FLRT1: variants seen among roughly 807,000 people sequenced by gnomAD.
FLRT1 encodes leucine-rich repeat transmembrane protein FLRT1.
In FLRT1, 14 loss-of-function variants were observed where a neutral mutation model predicts 30.9. That is an observed-to-expected ratio of 0.45 (90% CI 0.30 to 0.71). The LOEUF (loss-of-function observed/expected upper bound fraction) is 0.71. Among genes scored for constraint, FLRT1 ranks in the 30% least tolerant of loss-of-function variants. The pLI is 0.08. For missense variants in FLRT1, 737 were observed against 949.2 expected (o/e 0.78, Z 2.94); for synonymous variants, 368 against 430.4 (o/e 0.85, Z 1.80).
intron 1 of FLRT1, among the ~76,000 whole-genome samples, chr11:64,055,801 T>C (rs1943775005): frequency 1.3e-5 from 2 of 152,240 alleles, no homozygotes; most frequent in South Asian, 4.1e-4. Context: ...GGATGCTGGT[T>C]TGTGGGATTC....
At chr11:64,114,706 C>T (rs1565239641) in intron 2 of FLRT1, among the ~76,000 whole-genome samples, 1 of 137,636 alleles carries the variant, frequency 7.3e-6, no homozygotes, top group African/African-American at 2.7e-5. Context: ...TGGACTGATA[C>T]ATAGATGGAT....
intron 1 of FLRT1, chr11:64,060,551 C>T (rs946319804): frequency 3.9e-5 from 6 of 152,202 alleles, no homozygotes; most frequent in African/African-American, 1.4e-4. Context: ...CCAGAGCAGG[C>T]CCCAGCCTGG....
intron 1 of FLRT1, among the ~76,000 whole-genome samples, chr11:64,059,775 T>A (rs531220643): frequency 1.7e-4 from 26 of 152,296 alleles, no homozygotes; most frequent in African/African-American, 4.8e-4. Flanking sequence ...CTATTCCCTC[T>A]CCTGAGTTTC....
chr11:64,066,690 G>A (rs997355765), intron 1 of FLRT1, among the ~76,000 whole-genome samples: 1 of 151,562 alleles, frequency 6.6e-6, no homozygotes, highest in Non-Finnish European at 1.5e-5. Context: ...CTTCTGAGAT[G>A]TCTGCCTGCA....
intron 1 of FLRT1, among the ~76,000 whole-genome samples, chr11:64,097,025 C>A (rs1444379628): frequency 3.3e-5 from 5 of 152,206 alleles, no homozygotes; most frequent in Non-Finnish European, 7.3e-5. Flanking sequence ...GCACTCCAGG[C>A]GGATGAGAAC....
chr11:64,117,128 C>T lies in FLRT1; in HGVS notation c.861C>T (p.Tyr287=), dbSNP rs747734134. ...ACAATGCCATCAGCCACATCCCCTA[C>T]AACACGCTGGCCAAGATGCGTGAGC... The part of the protein sequence containing the change: ...LQDNAISHIP[Y]NTLAKMRELE... The change falls in exon 3 of 3, where the codon TAC becomes TAT. Residue 287 remains tyrosine, a synonymous_variant. Coordinates refer to ENST00000682287, the MANE Select transcript of FLRT1 (RefSeq NM_013280.5). The T allele has an allele frequency of 6.2e-7, 1 of 1,612,236 alleles. No homozygotes were observed. Among genetic ancestry groups the T allele is most frequent in the Non-Finnish European group, 8.5e-7 (1 of 1,179,184 alleles).
rs929954269 is a variant in FLRT1, at chr11:64,090,211, C to T, written c.-1037-12983C>T. 3.9e-5 allele frequency among the ~76,000 whole-genome samples: 6 copies of T among 152,166 alleles called. No individual in the cohort carries two copies. Among genetic ancestry groups the T allele is most frequent in the African/African-American group, 1.4e-4 (6 of 41,444 alleles). On this transcript the variant is annotated intron_variant, in intron 1 of 2. Coordinates refer to ENST00000682287, the MANE Select transcript of FLRT1 (RefSeq NM_013280.5). This position sits in a 1 kb window ranked among gnomAD's most constrained non-coding sequence, Gnocchi z 4.7. ...CGAACAGCCTGAGTCCACAGGGTGA[C>T]AGGGTGTGGGAAAGGCCAACGGGCG...
intron 1 of FLRT1, among the ~76,000 whole-genome samples, chr11:64,089,751 G>A (rs1473188443): frequency 2.0e-5 from 3 of 152,156 alleles, no homozygotes; most frequent in Admixed American, 2.0e-4. Flanking sequence ...CATCGGGGAA[G>A]CTGCCAGTCC....
At chr11:64,073,773 G>A (rs1020874340) in intron 1 of FLRT1, among the ~76,000 whole-genome samples, 1 of 152,206 alleles carries the variant, frequency 6.6e-6, no homozygotes, top group Non-Finnish European at 1.5e-5. Context: ...AAACACTGGA[G>A]CTTCCCACTG....
At position 64,049,650 on chromosome 11, in the gene FLRT1, G is replaced by T. The variant is rs541021721; in HGVS notation, c.-1038+13491G>T. Among the ~76,000 whole-genome samples, 8 of 152,350 alleles carry T rather than the reference G, an allele frequency of 5.3e-5. No homozygotes were observed. The South Asian group carries it at 1.4e-3, about 28-fold the overall frequency. ...TCAGGGTTGGAGGTGCCTGCTGAAG[G>T]GGGTGGACGCTGGGGGTGCAGACAG... On this transcript the variant is annotated intron_variant, in intron 1 of 2. Coordinates refer to ENST00000682287, the MANE Select transcript of FLRT1 (RefSeq NM_013280.5).
rs1393981531 is a variant in FLRT1, at chr11:64,036,878, G to A, written c.-1038+719G>A. 6.6e-6 allele frequency among the ~76,000 whole-genome samples: 1 copy of A among 152,166 alleles called. No homozygotes were observed. Among genetic ancestry groups the A allele is most frequent in the Non-Finnish European group, 1.5e-5 (1 of 68,032 alleles). On this transcript the variant is annotated intron_variant, in intron 1 of 2. Coordinates refer to ENST00000682287, the MANE Select transcript of FLRT1 (RefSeq NM_013280.5). This position sits in a 1 kb window ranked among gnomAD's most constrained non-coding sequence, Gnocchi z 5.6. ...CCGGCGGCGCACGCCCCTCCTCGCG[G>A]GCACTGGAGACCCCGGGGAGGAAGG...
In FLRT1 at chr11:64,082,626, G is replaced by C. The variant is rs1944324359; in HGVS notation, c.-1037-20568G>C. Among the ~76,000 whole-genome samples, 2 of 152,078 alleles carry C rather than the reference G, an allele frequency of 1.3e-5. No homozygotes were observed. The highest frequency in any genetic ancestry group is 4.1e-4 in the South Asian group (2 of 4,834). ...CTGAAGACGGAACCTCTGAGTGCAG[G>C]CACCAGGTGGGAGGGTGGGGACCCC... On this transcript the variant is annotated intron_variant, in intron 1 of 2. Coordinates refer to ENST00000682287, the MANE Select transcript of FLRT1 (RefSeq NM_013280.5). This position sits in a 1 kb window ranked among gnomAD's most constrained non-coding sequence, Gnocchi z 4.5.
At chr11:64,049,039 TAGGC>T (rs1943640750) in intron 1 of FLRT1, among the ~76,000 whole-genome samples, 1 of 122,496 alleles carries the variant, frequency 8.2e-6, no homozygotes, top group Admixed American at 7.4e-5. Context: ...GTGTGGGTGA[TAGGC>T]AGATCACATA....
At chr11:64,070,491 C>T (rs1944087156) in intron 1 of FLRT1, among the ~76,000 whole-genome samples, 2 of 152,184 alleles carry the variant, frequency 1.3e-5, no homozygotes, top group Admixed American at 6.5e-5. Context: ...GCTTTCGGAC[C>T]CTCCTTGCAG....
At position 64,090,277 on chromosome 11, in the gene FLRT1, G is replaced by C. The variant is rs1047376719; in HGVS notation, c.-1037-12917G>C. 1.3e-5 allele frequency among the ~76,000 whole-genome samples: 2 copies of C among 152,186 alleles called. No homozygotes were observed. The highest frequency in any genetic ancestry group is 2.9e-5 in the Non-Finnish European group (2 of 68,026). ...TTTGCTCATCCTCGGGAAATGCATC[G>C]TGCGTTGCTTTTCCCGTCTGGGAGT... On this transcript the variant is annotated intron_variant, in intron 1 of 2. Transcript: ENST00000682287. This position sits in a 1 kb window ranked among gnomAD's most constrained non-coding sequence, Gnocchi z 4.7.
At chr11:64,078,905 AG>A (rs1944253325) in intron 1 of FLRT1, among the ~76,000 whole-genome samples, 1 of 152,184 alleles carries the variant, frequency 6.6e-6, no homozygotes, top group South Asian at 2.1e-4. Context: ...GGAGTTTGGC[AG>A]GTTCCAGGAC....
At chr11:64,060,797 G>A (rs953267495) in intron 1 of FLRT1, 3 of 152,214 alleles carry the variant, frequency 2.0e-5, no homozygotes, top group Non-Finnish European at 4.4e-5. Context: ...CGAATGCCCA[G>A]TCTTTGAGTC....
chr11:64,080,417 T>C (rs1409769796), intron 1 of FLRT1, among the ~76,000 whole-genome samples: 1 of 152,212 alleles, frequency 6.6e-6, no homozygotes, highest in Non-Finnish European at 1.5e-5. Flanking sequence ...TCAGCGGGTT[T>C]TTTTGTGTGT....
At chr11:64,077,504 G>A (rs1944224272) in intron 1 of FLRT1, among the ~76,000 whole-genome samples, 1 of 152,162 alleles carries the variant, frequency 6.6e-6, no homozygotes, top group South Asian at 2.1e-4. Context: ...CATTTGTGGA[G>A]ACAGACTAGG....
Sources: gnomAD v4.1 joint callset for allele counts (sites outside exome capture counted in the v4.1 genomes callset) on GRCh38, gnomAD v4.1.1 for gene constraint, Gnocchi (gnomAD v3.1) non-coding constraint, MANE v1.5 for transcripts, NCBI Gene and HGNC (gene_info 2026-07-23, HGNC 2026-07-21) for gene names.